Variants in SPINK5 observed in about 807,000 individuals in gnomAD.
SPINK5 encodes serine protease inhibitor Kazal-type 5.
In SPINK5, 125 loss-of-function variants were observed where a neutral mutation model predicts 151.8. The ratio of observed to expected loss-of-function variants is 0.82; its 90% CI spans 0.71 to 0.96. The LOEUF (loss-of-function observed/expected upper bound fraction) is 0.96. Ranked by LOEUF, SPINK5 falls within the 40% of genes least tolerant of loss-of-function variation. The pLI, the probability that SPINK5 is intolerant of heterozygous loss-of-function variation, is 0.00. For missense variants in SPINK5, 1,194 were observed against 1,291.9 expected (o/e 0.92, Z 1.16); for synonymous variants, 374 against 395.3 (o/e 0.95, Z 0.64).
rs2303073 is a variant in SPINK5, at chr5:148,127,304, A to G, written c.2964+225A>G. Reference sequence around the variant, plus strand: ...GAGATTATTTGCCCTGCTTCAATTTAGTACATTTTGAAATTTACAATGTGT... The same window carrying G: ...GAGATTATTTGCCCTGCTTCAATTTGGTACATTTTGAAATTTACAATGTGT... On this transcript the variant is annotated intron_variant, in intron 30 of 32. Transcript: ENST00000256084. 0.56 allele frequency among the ~76,000 whole-genome samples: 85,275 copies of G among 151,856 alleles called. 24,647 individuals are homozygous for G. Among genetic ancestry groups the G allele is most frequent in the Admixed American group, 0.65 (9,894 of 15,260 alleles).
At chr5:148,125,695 T>G in intron 28 of SPINK5, 28 bp from the exon 29 acceptor site, 1 of 1,614,184 alleles carries the variant, frequency 6.2e-7, no homozygotes, top group Non-Finnish European at 8.5e-7. Context: ...GACAAAGCCA[T>G]GTTCACTTTC....
intron 30 of SPINK5, among the ~76,000 whole-genome samples, chr5:148,128,633 A>G (rs1039832064): frequency 6.6e-6 from 1 of 152,200 alleles, no homozygotes; most frequent in African/African-American, 2.4e-5. Flanking sequence ...AGTTCACGCC[A>G]TTCTCCTGCC....
chr5:148,065,729 A>G (rs1303866556), intron 2 of SPINK5, among the ~76,000 whole-genome samples: 1 of 152,228 alleles, frequency 6.6e-6, no homozygotes, highest in African/African-American at 2.4e-5. Context: ...GGAAGCTGAA[A>G]TAAATTTTCT....
At chr5:148,119,733 A>G (rs1042962158) in intron 24 of SPINK5, among the ~76,000 whole-genome samples, 2 of 152,210 alleles carry the variant, frequency 1.3e-5, no homozygotes, top group Non-Finnish European at 2.9e-5. Flanking sequence ...CATGGGCCCC[A>G]CTTGGATAAT....
chr5:148,093,002 T>C (rs1445181861), intron 8 of SPINK5, among the ~76,000 whole-genome samples: 3 of 151,978 alleles, frequency 2.0e-5, no homozygotes, highest in Non-Finnish European at 2.9e-5. Flanking sequence ...GACTTTGCTG[T>C]GGTCTCCCAT....
chr5:148,083,890 T>C (rs1165736472), intron 4 of SPINK5, among the ~76,000 whole-genome samples: 1 of 151,724 alleles, frequency 6.6e-6, no homozygotes, highest in Non-Finnish European at 1.5e-5. Flanking sequence ...GATCTGATCA[T>C]CTGGTTCACA....
Position 148,101,846 on chromosome 5 carries a change from C to A in SPINK5, c.1368C>A (p.Asp456Glu). 1 of 1,613,736 alleles carries A rather than the reference C, an allele frequency of 6.2e-7. No individual in the cohort carries two copies. The highest frequency in any genetic ancestry group is 1.1e-5 in the South Asian group (1 of 91,070). The change falls in exon 15 of 33, where the codon GAC becomes GAA. Residue 456 changes from aspartate to glutamate, a missense_variant. By Grantham distance (45) the Asp-to-Glu change is conservative. Coordinates refer to ENST00000256084, the MANE Select transcript of SPINK5 (RefSeq NM_006846.4). ...GGCTTTTTTGCACCAGAGAGAATGACCCCATCCAGGGCCCAGATGGAAAAA... is the reference window on the plus strand; with the variant it reads ...GGCTTTTTTGCACCAGAGAGAATGAACCCATCCAGGGCCCAGATGGAAAAA... ...NGRLFCTREN[D>E]PIQGPDGKMH...
intron 4 of SPINK5, among the ~76,000 whole-genome samples, chr5:148,074,995 T>C (rs1752841500): frequency 6.6e-6 from 1 of 151,740 alleles, no homozygotes; most frequent in Non-Finnish European, 1.5e-5. Flanking sequence ...ACTTTTGTTT[T>C]TGTTCTTGGT....
At chr5:148,093,042 G>A (rs1339964759) in intron 8 of SPINK5, among the ~76,000 whole-genome samples, 2 of 151,906 alleles carry the variant, frequency 1.3e-5, no homozygotes, top group Non-Finnish European at 2.9e-5. Flanking sequence ...TAGTGGCCCA[G>A]GTCATTTGAC....
Position 148,111,772 on chromosome 5 carries a change from T to C in SPINK5, c.1697T>C (p.Leu566Pro). ...EKVKREAVQE[L>P]CSEYRHYVRN... ...TGCTTCTGCTTCATTTGGCAGGAGC[T>C]GTGCAGTGAATATCGTCATTATGTG... The change falls in exon 19 of 33, where the codon CTG (leucine) becomes CCG (proline). Residue 566 changes from leucine to proline, a missense_variant. Coordinates refer to ENST00000256084, the MANE Select transcript of SPINK5 (RefSeq NM_006846.4). 7 of 1,614,028 alleles carry C rather than the reference T, an allele frequency of 4.3e-6. No individual in the cohort carries two copies. Among genetic ancestry groups the C allele is most frequent in the East Asian group, 2.2e-5 (1 of 44,882 alleles).
At chr5:148,113,681 G>A (rs548874476) in intron 20 of SPINK5, among the ~76,000 whole-genome samples, 3 of 152,168 alleles carry the variant, frequency 2.0e-5, no homozygotes, top group South Asian at 2.1e-4. Flanking sequence ...AAGAAGTATC[G>A]CCCTGGAACT....
intron 28 of SPINK5, 141 bp from the exon 29 acceptor site, chr5:148,125,582 G>T: frequency 6.2e-7 from 1 of 1,614,124 alleles, no homozygotes; most frequent in Non-Finnish European, 8.5e-7. Flanking sequence ...CAACCTGGGC[G>T]TTCCTTGGCC....
chr5:148,081,062 C>T lies in SPINK5; in HGVS notation c.283-5343C>T, dbSNP rs577045603. Among the ~76,000 whole-genome samples the T allele has an allele frequency of 2.0e-5, 3 of 151,674 alleles. No homozygotes were observed. In the South Asian group the frequency reaches 6.2e-4, roughly 31 times the overall value. ...TTTAGGCAAATGCTAATTAAAACCA[C>T]AATGGTGTATCACTACACGTACCCA... On this transcript the variant is annotated intron_variant, in intron 4 of 32. Coordinates refer to ENST00000256084, the MANE Select transcript of SPINK5 (RefSeq NM_006846.4).
Position 148,108,836 on chromosome 5 carries a change from A to G in SPINK5, c.1691A>G (p.Gln564Arg), listed in dbSNP as rs761862634. 2.2e-5 allele frequency: 36 copies of G among 1,612,006 alleles called. No individual in the cohort carries two copies. Among genetic ancestry groups the G allele is most frequent in the Non-Finnish European group, 3.1e-5 (36 of 1,178,624 alleles). ...EAEKVKREAV[Q>R]ELCSEYRHYV... ...GAAAAAGTTAAGAGAGAAGCAGTTC[A>G]GGTAGTTGTTTGAGATCATCAGAGC... Residue 564 changes from glutamine to arginine, a missense_variant and splice_region_variant, in exon 18 of 33, where the codon CAG becomes CGG. Coordinates refer to ENST00000256084, the MANE Select transcript of SPINK5 (RefSeq NM_006846.4).
At chr5:148,083,517 T>C (rs910638816) in intron 4 of SPINK5, among the ~76,000 whole-genome samples, 2 of 151,490 alleles carry the variant, frequency 1.3e-5, no homozygotes, top group African/African-American at 4.8e-5. Context: ...TGGTGATTTA[T>C]TTTTGTTCTT....
chr5:148,110,640 G>A (rs1753899958), intron 18 of SPINK5, among the ~76,000 whole-genome samples: 1 of 151,960 alleles, frequency 6.6e-6, no homozygotes, highest in African/African-American at 2.4e-5. Context: ...ACACTTTAGT[G>A]GCTTAAAACA....
chr5:148,097,801 ATAACATT>A, intron 10 of SPINK5, 59 bp from the exon 11 acceptor site: 1 of 1,434,896 alleles, frequency 7.0e-7, no homozygotes, highest in Non-Finnish European at 9.6e-7. Flanking sequence ...TCTTTGTAAA[ATAACATT>A]TAACATTCAT....
In SPINK5 at chr5:148,101,455, G is replaced by A. The variant is rs2303068; in HGVS notation, c.1302+19G>A. 0.51 allele frequency: 794,182 copies of A among 1,571,376 alleles called. 205,470 individuals are homozygous for A. The highest frequency in any genetic ancestry group is 0.66 in the Admixed American group (39,302 of 59,724). ...CTTTGAGGTGAGTTTATATCCTCCA[G>A]CAACTCAGAGGGATATGGCCCTGAG... is the stretch of plus-strand genomic sequence containing the variant. On this transcript the variant is annotated intron_variant, in intron 14 of 32. Transcript: ENST00000256084.
At chr5:148,129,805 A>G (rs1155638) in intron 30 of SPINK5, among the ~76,000 whole-genome samples, 2,735 of 152,232 alleles carry the variant, frequency 0.018, 78 homozygotes, top group African/African-American at 0.062. Flanking sequence ...TAAATTTTCT[A>G]TGTCGTCTTT....
Sources: allele counts gnomAD v4.1 joint callset (sites outside exome capture counted in the v4.1 genomes callset), GRCh38; gene constraint gnomAD v4.1.1; transcripts MANE v1.5; gene names NCBI Gene and HGNC (gene_info 2026-07-23, HGNC 2026-07-21).